Variants in HEATR4 observed in about 807,000 individuals in gnomAD.
HEATR4 encodes the protein HEAT repeat-containing protein 4.
HEATR4 carries 95 observed loss-of-function variants against 108.8 expected under a neutral mutation model. The ratio of observed to expected loss-of-function variants is 0.87; its 90% CI spans 0.74 to 1.04. The LOEUF is 1.04. HEATR4 is among the 50% of genes least tolerant of loss of function. The probability of loss-of-function intolerance (pLI) is 0.00; values close to 1 mark genes in which losing one functional copy is unlikely to be tolerated. For missense variants in HEATR4, 1,152 were observed against 1,253.8 expected (o/e 0.92, Z 1.23); for synonymous variants, 443 against 459.4 (o/e 0.96, Z 0.46).
intron 3 of HEATR4, among the ~76,000 whole-genome samples, chr14:73,521,817 C>T (rs1887991161): frequency 6.6e-6 from 1 of 152,198 alleles, no homozygotes; most frequent in Non-Finnish European, 1.5e-5. Context: ...CTTCCTCACT[C>T]CACCAAGGAT....
intron 9 of HEATR4, among the ~76,000 whole-genome samples, chr14:73,507,041 G>T (rs1886903552): frequency 6.6e-6 from 1 of 152,034 alleles, no homozygotes; most frequent in South Asian, 2.1e-4. Context: ...GACCTCAGGT[G>T]ATCTGCCTGC....
chr14:73,536,617 G>A (rs1238998406), intron 1 of HEATR4, among the ~76,000 whole-genome samples: 5 of 112,718 alleles, frequency 4.4e-5, no homozygotes, highest in African/African-American at 1.4e-4. Context: ...TTGGCCGGGC[G>A]CGGTGGCTCA....
At chr14:73,599,608 TAG>T in the HEATR4 span, among the ~76,000 whole-genome samples, 1 of 152,086 alleles carries the variant, frequency 6.6e-6, no homozygotes, top group Non-Finnish European at 1.5e-5. Context: ...GCCATAAAAG[TAG>T]AGTCTCCAAG....
the HEATR4 span, among the ~76,000 whole-genome samples, chr14:73,597,336 G>A: frequency 1.4e-4 from 21 of 151,838 alleles, no homozygotes; most frequent in South Asian, 4.2e-4. Flanking sequence ...CACCCGCCTC[G>A]GCCTCCCAAA....
Position 73,509,311 on chromosome 14 carries a change from C to A in HEATR4, c.1720+1G>T. 1 of 1,613,918 alleles carries A rather than the reference C, an allele frequency of 6.2e-7. No individual in the cohort carries two copies. Among genetic ancestry groups the A allele is most frequent in the East Asian group, 2.2e-5 (1 of 44,882 alleles). On this transcript the variant is annotated splice_donor_variant, in intron 8 of 17. Transcript: ENST00000553558. LOFTEE classifies it high-confidence loss of function. ...GTCAGAAGTAACAGGGAGTTACTCA[C>A]CCTTCAGAAGGGCAGTCTGCATGAT... is the stretch of plus-strand genomic sequence containing the variant.
At chr14:73,500,041 AAC>A (rs758322912) in intron 12 of HEATR4, among the ~76,000 whole-genome samples, 2 of 152,196 alleles carry the variant, frequency 1.3e-5, no homozygotes, top group Non-Finnish European at 2.9e-5. Flanking sequence ...CATCCTGGCT[AAC>A]ACGGTGAAAC....
At chr14:73,570,263 G>A in the HEATR4 span, among the ~76,000 whole-genome samples, 1 of 151,814 alleles carries the variant, frequency 6.6e-6, no homozygotes, top group African/African-American at 2.4e-5. Flanking sequence ...CTCAAACCTA[G>A]TGCTCAGTTA....
chr14:73,510,197 A>G (rs1595113833), intron 7 of HEATR4, among the ~76,000 whole-genome samples: 1 of 151,528 alleles, frequency 6.6e-6, no homozygotes, highest in Non-Finnish European at 1.5e-5. Context: ...ATATTTAGGT[A>G]GTGCTTTATA....
chr14:73,607,454 C>T, the HEATR4 span, among the ~76,000 whole-genome samples: 21 of 152,280 alleles, frequency 1.4e-4, no homozygotes, highest in African/African-American at 5.1e-4. Flanking sequence ...ATCATTTTTC[C>T]CTTCTAGGCC....
the HEATR4 span, chr14:73,612,545 G>T: frequency 7.8e-7 from 1 of 1,281,680 alleles, no homozygotes; most frequent in Non-Finnish European, 1.0e-6. Context: ...CGCGGAGCTG[G>T]GTCGCCCCTG....
chr14:73,491,249 G>A (rs773919489), intron 17 of HEATR4: 1 of 1,583,510 alleles, frequency 6.3e-7, no homozygotes, highest in South Asian at 1.1e-5. Flanking sequence ...CCTGGGGGAC[G>A]CGCTACCCGG....
At chr14:73,573,060 G>GT in the HEATR4 span, among the ~76,000 whole-genome samples, 1 of 149,610 alleles carries the variant, frequency 6.7e-6, no homozygotes, top group African/African-American at 2.6e-5. Context: ...TCTCCGTTGA[G>GT]TAAGTGCATT....
intron 17 of HEATR4, among the ~76,000 whole-genome samples, chr14:73,481,855 A>G (rs1056808936): frequency 6.6e-6 from 1 of 151,698 alleles, no homozygotes; most frequent in Non-Finnish European, 1.5e-5. Context: ...AAAAAAAAAT[A>G]AAAAAATAAA....
the HEATR4 span, among the ~76,000 whole-genome samples, chr14:73,601,155 T>C: frequency 6.6e-6 from 1 of 151,584 alleles, no homozygotes; most frequent in Non-Finnish European, 1.5e-5. Flanking sequence ...AAAAAGAAAA[T>C]GACAATTAAA....
intron 3 of HEATR4, 104 bp downstream of exon 3, chr14:73,522,168 G>A: frequency 1.7e-6 from 2 of 1,200,786 alleles, no homozygotes; most frequent in Middle Eastern, 2.9e-4. Flanking sequence ...ACATGAAGTT[G>A]ATGGGAGAGT....
chr14:73,591,868 A>G, the HEATR4 span: 5 of 1,227,094 alleles, frequency 4.1e-6, no homozygotes, highest in East Asian at 3.2e-5. Flanking sequence ...GCACCAGGGG[A>G]CGCCGGACGC....
chr14:73,498,067 C>T (rs772171391), intron 14 of HEATR4, 88 bp downstream of exon 14: 1 of 1,263,740 alleles, frequency 7.9e-7, no homozygotes, highest in East Asian at 2.4e-5. Context: ...CATTAGGTAG[C>T]CTGGAAAGGC....
At chr14:73,568,363 A>C in the HEATR4 span, among the ~76,000 whole-genome samples, 4 of 151,428 alleles carry the variant, frequency 2.6e-5, no homozygotes, top group East Asian at 1.9e-4. Context: ...AAAAAAAAAA[A>C]CACCACACCT....
the HEATR4 span, among the ~76,000 whole-genome samples, chr14:73,615,370 GA>G: frequency 8.0e-6 from 1 of 124,990 alleles, no homozygotes; most frequent in Non-Finnish European, 1.6e-5. Context: ...CTGGGCAACA[GA>G]GAGAGACTCT....
Sources: gnomAD v4.1 joint callset for allele counts (sites outside exome capture counted in the v4.1 genomes callset) on GRCh38, gnomAD v4.1.1 for gene constraint, MANE v1.5 for transcripts, NCBI Gene and HGNC (gene_info 2026-07-23, HGNC 2026-07-21) for gene names.